Variants in RAB27A observed in about 807,000 individuals in gnomAD.
RAB27A encodes the protein RAB27A, member RAS oncogene family.
RAB27A carries 17 observed loss-of-function variants against 20.8 expected under a neutral mutation model. The ratio of observed to expected loss-of-function variants is 0.82; its 90% confidence interval spans 0.56 to 1.23. RAB27A has a LOEUF of 1.23. Among genes scored for constraint, RAB27A ranks in the 50% most tolerant of loss-of-function variants. RAB27A has a pLI of 0.00. For missense variants in RAB27A, 277 were observed against 266.7 expected (o/e 1.04, Z -0.27); for synonymous variants, 85 against 92.8 (o/e 0.92, Z 0.48).
intron 2 of RAB27A, among the ~76,000 whole-genome samples, chr15:55,238,709 G>A (rs551149162): frequency 1.4e-5 from 2 of 140,122 alleles, no homozygotes; most frequent in East Asian, 1.9e-4. Context: ...TAGCACAAAC[G>A]ATTGCTAACT....
At chr15:55,310,693 G>T (rs1331009946) in intron 2 of RAB27A, among the ~76,000 whole-genome samples, 2 of 151,988 alleles carry the variant, frequency 1.3e-5, no homozygotes, top group African/African-American at 4.8e-5. Flanking sequence ...TGCTCCTCCT[G>T]ATCTCTATTA....
At chr15:55,240,875 T>C (rs925568675) in intron 2 of RAB27A, among the ~76,000 whole-genome samples, 25 of 152,284 alleles carry the variant, frequency 1.6e-4, no homozygotes, top group African/African-American at 4.3e-4. Flanking sequence ...GATACAACTG[T>C]GTGAAAGCTT....
Position 55,205,699 on chromosome 15 carries a change from G to C in RAB27A, c.474C>G (p.Pro158=). ...CATTGGCAGCACTAGTTTCAAAGTA[G>C]GGGATTCTGGAAGACAGAGACAACT... The part of the protein sequence containing the change: ...AIALAEKYGI[P]YFETSAANGT... The change falls in exon 7 of 7, where the codon CCC becomes CCG. Residue 158 remains proline, a synonymous_variant. Transcript: ENST00000336787. 1 of 1,613,374 alleles carries C rather than the reference G, an allele frequency of 6.2e-7. No individual in the cohort carries two copies. Among genetic ancestry groups the C allele is most frequent in the African/African-American group, 1.3e-5 (1 of 75,008 alleles).
intron 2 of RAB27A, among the ~76,000 whole-genome samples, chr15:55,312,974 C>G (rs2055027568): frequency 6.6e-6 from 1 of 152,186 alleles, no homozygotes; most frequent in African/African-American, 2.4e-5. Context: ...TGTCATAGCC[C>G]TGACAGAGGC....
At chr15:55,255,384 C>T (rs1177055354) in intron 2 of RAB27A, among the ~76,000 whole-genome samples, 1 of 152,170 alleles carries the variant, frequency 6.6e-6, no homozygotes, top group Non-Finnish European at 1.5e-5. Context: ...CCATTCCCAC[C>T]TCATGGGTGT....
intron 6 of RAB27A, among the ~76,000 whole-genome samples, chr15:55,213,782 G>C (rs923342278): frequency 6.6e-6 from 1 of 152,160 alleles, no homozygotes; most frequent in African/African-American, 2.4e-5. Context: ...TCCAGTTGCA[G>C]GAAAACAAGC....
intron 4 of RAB27A, among the ~76,000 whole-genome samples, chr15:55,229,806 A>G (rs913132808): frequency 1.3e-5 from 2 of 152,164 alleles, no homozygotes; most frequent in African/African-American, 4.8e-5. Flanking sequence ...GTATAAATGA[A>G]ATTCTGTTGG....
At chr15:55,249,744 G>C (rs1682689218) in intron 2 of RAB27A, among the ~76,000 whole-genome samples, 1 of 152,100 alleles carries the variant, frequency 6.6e-6, no homozygotes, top group South Asian at 2.1e-4. Context: ...TCTAAGAAAG[G>C]TGTGTTGAAA....
intron 6 of RAB27A, among the ~76,000 whole-genome samples, chr15:55,216,236 T>C (rs1331635809): frequency 1.3e-5 from 2 of 152,058 alleles, no homozygotes; most frequent in Admixed American, 6.6e-5. Context: ...ATGATGTTAT[T>C]TAAAACTCAG....
chr15:55,227,013 A>G (rs543541242), intron 5 of RAB27A, among the ~76,000 whole-genome samples: 69 of 152,292 alleles, frequency 4.5e-4, no homozygotes, highest in African/African-American at 1.7e-3. Flanking sequence ...GACACTGAAC[A>G]TTACACCTTT....
intron 1 of RAB27A, chr15:55,270,739 G>C (rs1897680499): frequency 6.6e-6 from 1 of 152,194 alleles, no homozygotes; most frequent in African/African-American, 2.4e-5. Context: ...CAGGAGGGAT[G>C]GGGCTAGATT....
At chr15:55,280,987 T>C (rs1898002152) in intron 1 of RAB27A, among the ~76,000 whole-genome samples, 1 of 152,224 alleles carries the variant, frequency 6.6e-6, no homozygotes, top group African/African-American at 2.4e-5. Flanking sequence ...TGTGTCTCTA[T>C]AGTAGCATGA....
chr15:55,238,898 A>G (rs1242076397), intron 2 of RAB27A, among the ~76,000 whole-genome samples: 2 of 151,124 alleles, frequency 1.3e-5, no homozygotes, highest in Non-Finnish European at 2.9e-5. Flanking sequence ...TAGCAAGTTC[A>G]TAGTTGTTCA....
intron 1 of RAB27A, among the ~76,000 whole-genome samples, chr15:55,275,005 C>A (rs1302369190): frequency 6.6e-6 from 1 of 151,166 alleles, no homozygotes; most frequent in Non-Finnish European, 1.5e-5. Context: ...AATCCCAGGA[C>A]TTTGGAAGGC....
In RAB27A at chr15:55,261,709, C is replaced by CAAA. The variant is rs768256540; in HGVS notation, c.-23+8453_-23+8455dup. On this transcript the variant is annotated intron_variant, in intron 2 of 6. Transcript: ENST00000336787. Reference sequence around the variant, plus strand: ...TGAGCCGAGATCACTCACTGCATCTCAAAAAAAAAAAAAAAAAAAAAAAAA... The same window carrying CAAA: ...TGAGCCGAGATCACTCACTGCATCTCAAAAAAAAAAAAAAAAAAAAAAAAAAAA... Among the ~76,000 whole-genome samples, 37 of 18,644 alleles carry CAAA rather than the reference C, an allele frequency of 2.0e-3. 1 individual carries two copies. Among genetic ancestry groups the CAAA allele is most frequent in the East Asian group, 0.013 (6 of 472 alleles). The allele number at this position is 18,644 out of a possible 152,430, so 12.2% of individuals were successfully genotyped here.
chr15:55,298,735 A>G (rs1401522722), intron 2 of RAB27A, among the ~76,000 whole-genome samples: 1 of 152,206 alleles, frequency 6.6e-6, no homozygotes, highest in Non-Finnish European at 1.5e-5. Flanking sequence ...TCTACAGGCC[A>G]TAAAAGATGG....
intron 1 of RAB27A, among the ~76,000 whole-genome samples, chr15:55,282,263 AG>A: frequency 6.6e-6 from 1 of 152,356 alleles, no homozygotes; most frequent in East Asian, 1.9e-4. Flanking sequence ...GAACATAAAA[AG>A]AACACACCAG....
At chr15:55,312,101 G>T (rs2055023596) in intron 2 of RAB27A, among the ~76,000 whole-genome samples, 1 of 152,222 alleles carries the variant, frequency 6.6e-6, no homozygotes, top group Non-Finnish European at 1.5e-5. Context: ...GACGAACCCA[G>T]GCTCTTAGCC....
chr15:55,245,973 A>G (rs1467022088), intron 2 of RAB27A, among the ~76,000 whole-genome samples: 1 of 152,028 alleles, frequency 6.6e-6, no homozygotes, highest in African/African-American at 2.4e-5. Context: ...AGTCCCAGCT[A>G]CTCAGGAGGG....
Sources: gnomAD v4.1 joint callset for allele counts (sites outside exome capture counted in the v4.1 genomes callset) on GRCh38, gnomAD v4.1.1 for gene constraint, MANE v1.5 for transcripts, NCBI Gene and HGNC (gene_info 2026-07-23, HGNC 2026-07-21) for gene names.